Variants in PCDHGB6 observed in about 807,000 individuals in gnomAD.
The protein encoded by PCDHGB6 is protocadherin gamma-B6.
In PCDHGB6, 51 loss-of-function variants were observed where a neutral mutation model predicts 59.1. The ratio of observed to expected loss-of-function variants is 0.86; its 90% CI spans 0.69 to 1.09. The LOEUF (loss-of-function observed/expected upper bound fraction) is 1.09. Among genes scored for constraint, PCDHGB6 ranks in the 50% least tolerant of loss-of-function variants. The probability of loss-of-function intolerance (pLI) is 0.00; values close to 1 mark genes in which losing one functional copy is unlikely to be tolerated. For synonymous variants in PCDHGB6, 466 were observed against 495.1 expected, an observed-to-expected ratio of 0.94 and a Z score of 0.78; for missense variants, 1,148 against 1,205.1, an observed-to-expected ratio of 0.95 and a Z score of 0.70.
rs200349213 is a variant in PCDHGB6 at position 141,425,728 on chromosome 5, GGAT to G, written c.2418+15110_2418+15112del. Among the ~76,000 whole-genome samples the G allele has an allele frequency of 9.8e-4, 149 of 152,196 alleles. 2 individuals carry two copies. In the East Asian group the frequency reaches 0.027, roughly 28 times the overall value. ...AAAATTTTCCCATACCACTTGATGG[GGAT>G]GTTTTCCCACAAGGTTTTTGTTCTA... On this transcript the variant is annotated intron_variant, in intron 1 of 3. Transcript: ENST00000520790.
chr5:141,417,767 T>G lies in PCDHGB6; in HGVS notation c.2418+7147T>G, dbSNP rs1333916865. 1.3e-5 allele frequency: 19 copies of G among 1,442,000 alleles called. No individual in the cohort carries two copies. The South Asian group carries it at 1.8e-4, about 13-fold the overall frequency. 89.3% of individuals were successfully genotyped at this position (1,442,000 alleles called of 1,614,324 possible). ...GATTGCCAGCTCCGAGACCCGGGAC[T>G]CCTCCTGTCCTGGGCCGAATGCTCT... On this transcript the variant is annotated intron_variant, in intron 1 of 3. Coordinates refer to ENST00000520790, the MANE Select transcript of PCDHGB6 (RefSeq NM_018926.3).
chr5:141,505,026 G>T (rs190826538), intron 2 of PCDHGB6, among the ~76,000 whole-genome samples: 1 of 152,198 alleles, frequency 6.6e-6, no homozygotes, highest in South Asian at 2.1e-4. Context: ...GCCTGGCACA[G>T]TGGCAGGTGC....
chr5:141,428,846 A>G (rs936271540), intron 1 of PCDHGB6: 1 of 143,414 alleles, frequency 7.0e-6, no homozygotes, highest in Non-Finnish European at 1.5e-5. Flanking sequence ...CATTTTCACC[A>G]TTTTTACGGG....
Position 141,409,669 on chromosome 5 carries a change from C to T in PCDHGB6, c.1467C>T (p.Tyr489=). 6.2e-7 allele frequency: 1 copy of T among 1,613,528 alleles called. No homozygotes were observed. Among genetic ancestry groups the T allele is most frequent in the Non-Finnish European group, 8.5e-7 (1 of 1,179,866 alleles). Residue 489 remains tyrosine, a synonymous_variant, in exon 1 of 4, where the codon TAC becomes TAT. Transcript: ENST00000520790. The part of the protein sequence containing the change: ...PDLGLNGHIS[Y]SIVASDLEPL... ...TGGGGCTCAATGGCCACATCTCCTA[C>T]TCTATAGTGGCGAGTGACCTAGAGC...
At chr5:141,414,102 A>G in intron 1 of PCDHGB6, 1 of 1,593,854 alleles carries the variant, frequency 6.3e-7, no homozygotes, top group Non-Finnish European at 8.5e-7. Context: ...AAATATCAGA[A>G]AATCTAGATT....
rs376819906 is a variant in PCDHGB6 at position 141,418,227 on chromosome 5, T to C, written c.2418+7607T>C. On this transcript the variant is annotated intron_variant, in intron 1 of 3. Transcript: ENST00000520790. ...AATATTTTTCATGTCATTGTGGTGA[T>C]TGAGGATGTTAATGACCACGCCCCT... The C allele has an allele frequency of 6.8e-6, 11 of 1,613,856 alleles. No homozygotes were observed. In the South Asian group the frequency reaches 7.7e-5, roughly 11 times the overall value.
At chr5:141,504,065 G>C (rs1291060280) in intron 2 of PCDHGB6, among the ~76,000 whole-genome samples, 2 of 152,060 alleles carry the variant, frequency 1.3e-5, no homozygotes, top group African/African-American at 2.4e-5. Context: ...AAACTTCTCT[G>C]AGCCAGATGG....
intron 1 of PCDHGB6, chr5:141,413,678 T>G (rs201325660): frequency 5.6e-6 from 9 of 1,613,632 alleles, no homozygotes; most frequent in Non-Finnish European, 7.6e-6. Flanking sequence ...GATGTGGGCG[T>G]GAACTCCCTG....
At chr5:141,459,427 G>A (rs1489214494) in intron 1 of PCDHGB6, among the ~76,000 whole-genome samples, 2 of 152,228 alleles carry the variant, frequency 1.3e-5, no homozygotes, top group Non-Finnish European at 2.9e-5. Flanking sequence ...ATATCACAAT[G>A]TGTTCATTCA....
chr5:141,463,382 T>C (rs2099057893), intron 1 of PCDHGB6, among the ~76,000 whole-genome samples: 1 of 151,594 alleles, frequency 6.6e-6, no homozygotes, highest in Admixed American at 6.6e-5. Context: ...AGTCTGAAAG[T>C]TGTCTCCAGG....
rs1292747996 is a variant in PCDHGB6, at chr5:141,475,972, T to C, written c.2419-18835T>C. 2.0e-5 allele frequency: 19 copies of C among 963,712 alleles called. No individual in the cohort carries two copies. In the East Asian group the frequency reaches 3.4e-4, roughly 17 times the overall value. The allele number at this position is 963,712 out of a possible 1,614,324, so 59.7% of individuals were successfully genotyped here. A position where few individuals can be genotyped will look rare whatever the true frequency, so the allele number is the denominator to read the frequency against. ...CTGCGCCCCGGGATGAGGCAGAGAC[T>C]GAACAGCCGGCGAGCAAATCAACGG... On this transcript the variant is annotated intron_variant, in intron 1 of 3. Transcript: ENST00000520790.
At position 141,512,280 on chromosome 5, in the gene PCDHGB6, TGGAAGGGTCAGC is replaced by T. The variant is rs1187119941; in HGVS notation, c.*1111_*1122del. The T allele has an allele frequency of 1.3e-5, 2 of 152,682 alleles. No individual in the cohort carries two copies. Among genetic ancestry groups the T allele is most frequent in the African/African-American group, 2.4e-5 (1 of 41,396 alleles). 9.5% of individuals were successfully genotyped at this position (152,682 alleles called of 1,614,324 possible). ...CTGGGTACTCCAGAGGTGCCACTGGTGGAAGGGTCAGCGGAGCCCCAGCAGGAAGGGTGGGCC... is the reference window on the plus strand; with the variant it reads ...CTGGGTACTCCAGAGGTGCCACTGGTGGAGCCCCAGCAGGAAGGGTGGGCC... On this transcript the variant is annotated 3_prime_UTR_variant, in exon 4 of 4. Transcript: ENST00000520790.
Position 141,408,243 on chromosome 5 carries a change from G to T in PCDHGB6, c.41G>T (p.Arg14Leu). 6.3e-7 allele frequency: 1 copy of T among 1,583,996 alleles called. No homozygotes were observed. The highest frequency in any genetic ancestry group is 1.3e-5 in the African/African-American group (1 of 74,328). The change falls in exon 1 of 4, where the codon CGG becomes CTG. Residue 14 changes from arginine to leucine, a missense_variant. Around this residue, in one of 5 missense-constraint regions of PCDHGB6, gnomAD observed 307 missense variants for 323.8 expected, o/e 0.95. Coordinates refer to ENST00000520790, the MANE Select transcript of PCDHGB6 (RefSeq NM_018926.3). ...GCGCAGAGGCGCCGGGCCGGCCCGC[G>T]GCAGGTGCTATTTCCTTTGCTGCTG... Reference protein sequence around the residue: ...SCAQRRRAGPRQVLFPLLLPL... With the variant: ...SCAQRRRAGPLQVLFPLLLPL...
Position 141,431,668 on chromosome 5 carries a change from A to C in PCDHGB6, c.2418+21048A>C. ...ATTGTAATTCAGGGACAATATCAAC[A>C]ATAGGGGAGTTGGACCACGAGGAGT... is the stretch of plus-strand genomic sequence containing the variant. On this transcript the variant is annotated intron_variant, in intron 1 of 3. Coordinates refer to ENST00000520790, the MANE Select transcript of PCDHGB6 (RefSeq NM_018926.3). This position sits in a 1 kb window ranked among gnomAD's most constrained non-coding sequence, Gnocchi z 4.8. The C allele has an allele frequency of 6.2e-7, 1 of 1,614,208 alleles. No individual in the cohort carries two copies. Among genetic ancestry groups the C allele is most frequent in the Non-Finnish European group, 8.5e-7 (1 of 1,180,036 alleles).
At position 141,494,787 on chromosome 5, in the gene PCDHGB6, T is replaced by G. The variant is rs763990551; in HGVS notation, c.2419-20T>G. The G allele has an allele frequency of 6.2e-7, 1 of 1,614,044 alleles. No individual in the cohort carries two copies. Among genetic ancestry groups the G allele is most frequent in the Non-Finnish European group, 8.5e-7 (1 of 1,179,990 alleles). On this transcript the variant is annotated intron_variant, in intron 1 of 3. Transcript: ENST00000520790. ...ACTTCTCACGGGTACTCAGCCCCTT[T>G]CCCTCTGTTTTCTCCACAGCAAGCC...
intron 1 of PCDHGB6, among the ~76,000 whole-genome samples, chr5:141,462,355 A>T (rs1592773702): frequency 6.6e-6 from 1 of 152,226 alleles, no homozygotes; most frequent in East Asian, 1.9e-4. Context: ...AAAAATATAC[A>T]TTGTATAGTT....
intron 2 of PCDHGB6, among the ~76,000 whole-genome samples, chr5:141,503,456 A>G (rs920770738): frequency 1.3e-5 from 2 of 152,058 alleles, no homozygotes; most frequent in African/African-American, 4.8e-5. Context: ...TTCGCTGGGC[A>G]TGGTGGCATG....
rs376661062 is a variant in PCDHGB6, at chr5:141,432,185, G to T, written c.2418+21565G>T. 6.2e-6 allele frequency: 10 copies of T among 1,613,956 alleles called. No individual in the cohort carries two copies. The highest frequency in any genetic ancestry group is 8.5e-6 in the Non-Finnish European group (10 of 1,180,030). ...AGGAGTTTCCCTCGTCTCTGTGACC[G>T]CCCACGACCCCGACTGTGAAGAGAA... On this transcript the variant is annotated intron_variant, in intron 1 of 3. Coordinates refer to ENST00000520790, the MANE Select transcript of PCDHGB6 (RefSeq NM_018926.3). The surrounding 1 kb of genome is among the most constrained non-coding windows in gnomAD (Gnocchi z 6.0).
intron 1 of PCDHGB6, chr5:141,414,177 T>G (rs370827396): frequency 1.7e-5 from 28 of 1,607,906 alleles, no homozygotes; most frequent in Non-Finnish European, 2.2e-5. Flanking sequence ...ATCTTGCAAC[T>G]GCAAAAGTGT....
Sources: gnomAD v4.1 joint callset for allele counts (sites outside exome capture counted in the v4.1 genomes callset) on GRCh38, gnomAD v4.1.1 for gene constraint, gnomAD v4.1.1 regional missense constraint, Gnocchi (gnomAD v3.1) non-coding constraint, MANE v1.5 for transcripts, NCBI Gene and HGNC (gene_info 2026-07-23, HGNC 2026-07-21) for gene names.